EYS: variants seen among roughly 807,000 people sequenced by gnomAD.
EYS encodes EGF-like photoreceptor maintenance factor.
A neutral mutation model predicts 282.1 loss-of-function variants in EYS; 250 were observed. The ratio of observed to expected loss-of-function variants is 0.89; its 90% confidence interval spans 0.80 to 0.98. The LOEUF is 0.98. Among genes scored for constraint, EYS ranks in the 50% least tolerant of loss-of-function variants. The pLI is 0.00. For missense variants in EYS, 4,016 were observed against 3,709.0 expected (o/e 1.08, Z -2.15); for synonymous variants, 1,355 against 1,282.9 (o/e 1.06, Z -1.20).
chr6:64,813,925 T>C (rs931569183), intron 21 of EYS, among the ~76,000 whole-genome samples: 4 of 152,042 alleles, frequency 2.6e-5, no homozygotes, highest in African/African-American at 7.2e-5. Flanking sequence ...GTGTCTACCA[T>C]ACCTCTCAGT....
chr6:65,018,487 C>T (rs1375031736), intron 13 of EYS, among the ~76,000 whole-genome samples: 2 of 152,156 alleles, frequency 1.3e-5, no homozygotes, highest in Non-Finnish European at 2.9e-5. Context: ...TAAGGGCCCA[C>T]CTACTCCAGT....
intron 35 of EYS, among the ~76,000 whole-genome samples, chr6:63,893,122 G>A (rs572648922): frequency 7.9e-5 from 12 of 152,348 alleles, no homozygotes; most frequent in Middle Eastern, 3.4e-3. Context: ...CTTTTACACT[G>A]TTGGTGGGAG....
At chr6:63,828,875 T>C (rs56831984) in intron 36 of EYS, among the ~76,000 whole-genome samples, 18,310 of 148,964 alleles carry the variant, frequency 0.12, 1,330 homozygotes, top group African/African-American at 0.21. Flanking sequence ...TAAACTAGTA[T>C]GGAATGTAAA....
intron 26 of EYS, among the ~76,000 whole-genome samples, chr6:64,511,501 A>G (rs1255436837): frequency 6.6e-5 from 10 of 151,928 alleles, no homozygotes; most frequent in African/African-American, 2.4e-4. Flanking sequence ...TTAGTGTGGT[A>G]CCTAATAAAT....
intron 10 of EYS, among the ~76,000 whole-genome samples, chr6:65,343,714 T>A (rs1244050847): frequency 6.6e-6 from 1 of 151,332 alleles, no homozygotes; most frequent in East Asian, 1.9e-4. Context: ...CATTATGATC[T>A]GTAAGCAAAA....
intron 22 of EYS, among the ~76,000 whole-genome samples, chr6:64,748,797 G>A (rs917706381): frequency 2.0e-5 from 3 of 152,210 alleles, no homozygotes; most frequent in African/African-American, 7.2e-5. Context: ...TTATGAGACG[G>A]AGTCTCACTC....
At chr6:64,676,922 T>C (rs1422832796) in intron 22 of EYS, among the ~76,000 whole-genome samples, 1 of 152,148 alleles carries the variant, frequency 6.6e-6, no homozygotes, top group Non-Finnish European at 1.5e-5. Context: ...GATTTCAACA[T>C]ATGAATCAAC....
intron 35 of EYS, among the ~76,000 whole-genome samples, chr6:63,901,214 T>C (rs1031589423): frequency 1.3e-5 from 2 of 152,098 alleles, no homozygotes; most frequent in African/African-American, 4.8e-5. Context: ...AAATGGAAAT[T>C]CTGTAGTTGA....
chr6:63,935,807 T>C (rs1765041314), intron 35 of EYS, among the ~76,000 whole-genome samples: 2 of 152,240 alleles, frequency 1.3e-5, no homozygotes. Flanking sequence ...ACCTTTTACA[T>C]ACAATCCTAA....
intron 26 of EYS, among the ~76,000 whole-genome samples, chr6:64,452,584 C>A (rs1367300244): frequency 6.6e-6 from 1 of 152,094 alleles, no homozygotes; most frequent in Admixed American, 6.5e-5. Flanking sequence ...AAGCTGGAGG[C>A]ATCACACTAC....
At chr6:64,649,376 A>G (rs6908665) in intron 22 of EYS, among the ~76,000 whole-genome samples, 96,847 of 151,370 alleles carry the variant, frequency 0.64, 31,212 homozygotes, top group African/African-American at 0.71. Context: ...TTGCTCTGTC[A>G]CCCAGGCTGG....
intron 16 of EYS, among the ~76,000 whole-genome samples, chr6:64,904,318 T>G (rs1231920013): frequency 2.6e-5 from 4 of 152,224 alleles, no homozygotes; most frequent in Non-Finnish European, 4.4e-5. Flanking sequence ...TGTAATTCGT[T>G]CATACGCTAG....
intron 22 of EYS, among the ~76,000 whole-genome samples, chr6:64,683,953 C>T (rs1769992895): frequency 6.6e-6 from 1 of 152,202 alleles, no homozygotes; most frequent in Admixed American, 6.5e-5. Flanking sequence ...CTTCCCCCGC[C>T]CTAGTCTGTA....
intron 35 of EYS, among the ~76,000 whole-genome samples, chr6:63,884,201 T>C (rs1773204984): frequency 6.6e-6 from 1 of 152,172 alleles, no homozygotes; most frequent in African/African-American, 2.4e-5. Flanking sequence ...TAATAGAATA[T>C]AGAATAATGC....
At chr6:64,675,661 C>T (rs566742899) in intron 22 of EYS, among the ~76,000 whole-genome samples, 1 of 151,976 alleles carries the variant, frequency 6.6e-6, no homozygotes, top group Admixed American at 6.5e-5. Flanking sequence ...AACTTTACCT[C>T]AGGTGATCCG....
chr6:64,395,460 T>C (rs1258113718), intron 28 of EYS, among the ~76,000 whole-genome samples: 6 of 152,132 alleles, frequency 3.9e-5, no homozygotes, highest in Non-Finnish European at 7.4e-5. Context: ...CCATCAAAAA[T>C]GATGAGTTCG....
At chr6:65,249,085 C>T (rs79365276) in intron 12 of EYS, among the ~76,000 whole-genome samples, 2,011 of 144,884 alleles carry the variant, frequency 0.014, 19 homozygotes, top group Non-Finnish European at 0.022. Context: ...AAAAACAAAA[C>T]TCAAACCAAC....
At chr6:64,701,842 A>C (rs2149924797) in intron 22 of EYS, among the ~76,000 whole-genome samples, 1 of 152,212 alleles carries the variant, frequency 6.6e-6, no homozygotes, top group South Asian at 2.1e-4. Flanking sequence ...TATTCAAATA[A>C]AAAATAAATT....
intron 12 of EYS, among the ~76,000 whole-genome samples, chr6:65,236,927 G>A (rs2150272676): frequency 6.6e-6 from 1 of 152,204 alleles, no homozygotes; most frequent in African/African-American, 2.4e-5. Context: ...GCTTATGTGA[G>A]TGTTCAAAAA....
Sources: allele counts gnomAD v4.1 joint callset (sites outside exome capture counted in the v4.1 genomes callset), GRCh38; gene constraint gnomAD v4.1.1; transcripts MANE v1.5; gene names NCBI Gene and HGNC (gene_info 2026-07-23, HGNC 2026-07-21).